Variants in THSD7B observed in about 807,000 individuals in gnomAD.
The protein encoded by THSD7B is thrombospondin type-1 domain-containing protein 7B.
A neutral mutation model predicts 213.6 loss-of-function variants in THSD7B; 138 were observed. The observed-to-expected ratio is 0.65, with a 90% CI of 0.56 to 0.74. THSD7B has a LOEUF of 0.74. THSD7B is among the 30% of genes least tolerant of loss of function. THSD7B has a pLI of 0.00. For missense variants in THSD7B, 1,931 were observed against 1,991.5 expected (o/e 0.97, Z 0.58); for synonymous variants, 742 against 687.0 (o/e 1.08, Z -1.25).
intron 20 of THSD7B, among the ~76,000 whole-genome samples, chr2:137,630,839 C>T (rs1004214632): frequency 6.6e-6 from 1 of 152,126 alleles, no homozygotes; most frequent in South Asian, 2.1e-4. Flanking sequence ...AGTGGGCATG[C>T]GAGTTACCTG....
intron 4 of THSD7B, among the ~76,000 whole-genome samples, chr2:137,103,050 C>G (rs1688180371): frequency 6.6e-6 from 1 of 152,220 alleles, no homozygotes; most frequent in African/African-American, 2.4e-5. Context: ...CACAAAAATA[C>G]TCCTCAATAA....
intron 15 of THSD7B, among the ~76,000 whole-genome samples, chr2:137,514,881 T>A (rs756891379): frequency 2.0e-5 from 3 of 152,172 alleles, no homozygotes; most frequent in Non-Finnish European, 4.4e-5. Context: ...ATAATGAAGT[T>A]GGTTGGTTGC....
chr2:137,093,623 T>C (rs1370812844), intron 3 of THSD7B, among the ~76,000 whole-genome samples: 1 of 152,214 alleles, frequency 6.6e-6, no homozygotes, highest in Non-Finnish European at 1.5e-5. Flanking sequence ...CCCATTAATC[T>C]TTTAAAAATG....
intron 12 of THSD7B, among the ~76,000 whole-genome samples, chr2:137,378,548 T>C (rs904044136): frequency 5.9e-5 from 9 of 152,232 alleles, no homozygotes; most frequent in Non-Finnish European, 1.0e-4. Context: ...CAAGACCACT[T>C]GTTGTCATGT....
chr2:137,314,180 A>G (rs914534457), intron 12 of THSD7B, among the ~76,000 whole-genome samples: 34 of 152,210 alleles, frequency 2.2e-4, no homozygotes, highest in Admixed American at 8.5e-4. Flanking sequence ...ATATAGTCCC[A>G]TATTTCTTGG....
At position 137,547,197 on chromosome 2, in the gene THSD7B, C is replaced by T. The variant is rs77584704; in HGVS notation, c.3139-16024C>T. On this transcript the variant is annotated intron_variant, in intron 15 of 27. Coordinates refer to ENST00000409968, the MANE Select transcript of THSD7B (RefSeq NM_001316349.2). ...ATTATCCAATCAATTTTGCTTCTCA[C>T]TTTTGCAAAGGTCAGGCTGTGCCAT... is the stretch of plus-strand genomic sequence containing the variant. 2.6e-5 allele frequency among the ~76,000 whole-genome samples: 4 copies of T among 152,042 alleles called. No homozygotes were observed. The East Asian group carries it at 7.7e-4, about 29-fold the overall frequency.
intron 2 of THSD7B, among the ~76,000 whole-genome samples, chr2:136,922,673 G>A (rs1484614941): frequency 6.6e-6 from 1 of 152,116 alleles, no homozygotes; most frequent in Non-Finnish European, 1.5e-5. Context: ...TTTTAAAGTA[G>A]ATAACCTAGA....
chr2:137,078,106 TG>T (rs1687668674), intron 3 of THSD7B, among the ~76,000 whole-genome samples: 1 of 152,230 alleles, frequency 6.6e-6, no homozygotes, highest in Non-Finnish European at 1.5e-5. Flanking sequence ...TTCTTGTTTT[TG>T]TCAGGTTTGT....
rs150464922 is a variant in THSD7B, at chr2:137,185,465, A to T, written c.1723+14527A>T. ...TATGTTCATGTGTACTCATGTTTTA[A>T]CTCCCACTGATAAGTGAGGATATGC... On this transcript the variant is annotated intron_variant, in intron 7 of 27. Transcript: ENST00000409968. 3.3e-5 allele frequency among the ~76,000 whole-genome samples: 5 copies of T among 152,014 alleles called. No individual in the cohort carries two copies. The East Asian group carries it at 7.7e-4, about 24-fold the overall frequency.
intron 27 of THSD7B, among the ~76,000 whole-genome samples, chr2:137,675,847 C>CAAGTT (rs1553469008): frequency 3.9e-5 from 6 of 152,102 alleles, no homozygotes; most frequent in Non-Finnish European, 2.9e-5. Context: ...TTTATAAATA[C>CAAGTT]AAGTTAAGAT....
chr2:137,387,472 A>C (rs770197349), intron 12 of THSD7B, among the ~76,000 whole-genome samples: 2 of 152,222 alleles, frequency 1.3e-5, no homozygotes, highest in Non-Finnish European at 2.9e-5. Flanking sequence ...AGTAAAGACA[A>C]CAATATTCCA....
At chr2:137,122,595 G>A (rs537996462) in intron 5 of THSD7B, among the ~76,000 whole-genome samples, 17 of 152,166 alleles carry the variant, frequency 1.1e-4, no homozygotes, top group Non-Finnish European at 1.9e-4. Context: ...AGATAGAATT[G>A]TAGGCTATGA....
At chr2:136,937,903 A>G (rs763061797) in intron 2 of THSD7B, among the ~76,000 whole-genome samples, 1 of 152,216 alleles carries the variant, frequency 6.6e-6, no homozygotes, top group Non-Finnish European at 1.5e-5. Context: ...AATACTTGTC[A>G]TTATCAAGCA....
chr2:136,858,329 A>G (rs1435658188), intron 1 of THSD7B, among the ~76,000 whole-genome samples: 2 of 152,184 alleles, frequency 1.3e-5, no homozygotes, highest in African/African-American at 4.8e-5. Context: ...AAAATAATCT[A>G]TAGTTCTATC....
At chr2:137,211,983 C>A (rs1406431131) in intron 7 of THSD7B, among the ~76,000 whole-genome samples, 2 of 151,892 alleles carry the variant, frequency 1.3e-5, no homozygotes, top group Non-Finnish European at 2.9e-5. Context: ...CATGCTGGAG[C>A]TAAATAAACA....
intron 2 of THSD7B, among the ~76,000 whole-genome samples, chr2:136,991,872 G>A (rs1685791189): frequency 6.6e-6 from 1 of 152,104 alleles, no homozygotes; most frequent in Non-Finnish European, 1.5e-5. Flanking sequence ...CATTAACTTT[G>A]AATGCCAAAC....
intron 14 of THSD7B, among the ~76,000 whole-genome samples, chr2:137,425,107 T>TAAC (rs918634751): frequency 6.7e-6 from 1 of 149,586 alleles, no homozygotes; most frequent in African/African-American, 2.4e-5. Context: ...ATGATAATAA[T>TAAC]AATAATACAA....
At chr2:136,852,117 A>G (rs1293811311) in intron 1 of THSD7B, among the ~76,000 whole-genome samples, 1 of 152,114 alleles carries the variant, frequency 6.6e-6, no homozygotes, top group Non-Finnish European at 1.5e-5. Context: ...ATGAGCCCTT[A>G]AAGGCAGAGA....
intron 1 of THSD7B, among the ~76,000 whole-genome samples, chr2:136,843,149 C>T (rs958306760): frequency 3.3e-4 from 39 of 116,526 alleles, no homozygotes; most frequent in Middle Eastern, 5.7e-3. Context: ...CTTTTTCTTT[C>T]GTGAAACTTA....
Sources: allele counts gnomAD v4.1 joint callset (sites outside exome capture counted in the v4.1 genomes callset), GRCh38; gene constraint gnomAD v4.1.1; transcripts MANE v1.5; gene names NCBI Gene and HGNC (gene_info 2026-07-23, HGNC 2026-07-21).